SLC24A2: variants seen among roughly 807,000 people sequenced by gnomAD.
SLC24A2 encodes the protein sodium/potassium/calcium exchanger 2.
In SLC24A2, 36 loss-of-function variants were observed where a neutral mutation model predicts 62.0. That is an observed-to-expected ratio of 0.58 (90% CI 0.44 to 0.77). The LOEUF (loss-of-function observed/expected upper bound fraction) is 0.77. Among genes scored for constraint, SLC24A2 ranks in the 30% least tolerant of loss-of-function variants. The pLI is 0.00. For synonymous variants in SLC24A2, 358 were observed against 294.0 expected, an observed-to-expected ratio of 1.22 and a Z score of -2.23; for missense variants, 846 against 817.9, an observed-to-expected ratio of 1.03 and a Z score of -0.42.
the SLC24A2 span, among the ~76,000 whole-genome samples, chr9:19,999,568 A>G: frequency 6.6e-6 from 1 of 152,208 alleles, no homozygotes; most frequent in African/African-American, 2.4e-5. Flanking sequence ...CCTCATGGCA[A>G]TGAGCTACAA....
the SLC24A2 span, among the ~76,000 whole-genome samples, chr9:20,264,480 T>C: frequency 2.5e-4 from 38 of 152,142 alleles, no homozygotes; most frequent in Non-Finnish European, 4.4e-4. Flanking sequence ...CAAGAACTTC[T>C]GAAACAAATC....
chr9:19,909,249 G>A, the SLC24A2 span, among the ~76,000 whole-genome samples: 2 of 151,796 alleles, frequency 1.3e-5, no homozygotes, highest in Non-Finnish European at 2.9e-5. Context: ...ACCAAACGCC[G>A]CATGTTCTCA....
chr9:19,802,540 T>G, the SLC24A2 span, among the ~76,000 whole-genome samples: 1 of 152,136 alleles, frequency 6.6e-6, no homozygotes, highest in African/African-American at 2.4e-5. Context: ...TATTAAAAGG[T>G]AGAAATGTTA....
chr9:19,718,019 C>T lies in SLC24A2; in HGVS notation c.930+67918G>A, dbSNP rs571361001. On this transcript the variant is annotated intron_variant, in intron 2 of 10. Transcript: ENST00000341998. Reference sequence around the variant, plus strand: ...TAAAACGGAGTCTCGCTCTGTCGCCCAGGCTGGAGTGCAGTGGCGCAATCT... The same window carrying T: ...TAAAACGGAGTCTCGCTCTGTCGCCTAGGCTGGAGTGCAGTGGCGCAATCT... Among the ~76,000 whole-genome samples, 748 of 150,878 alleles carry T rather than the reference C, an allele frequency of 5.0e-3. 4 individuals carry two copies. The highest frequency in any genetic ancestry group is 8.7e-3 in the Non-Finnish European group (593 of 67,794).
chr9:19,536,001 T>G (rs1833953603), intron 8 of SLC24A2, among the ~76,000 whole-genome samples: 1 of 151,852 alleles, frequency 6.6e-6, no homozygotes, highest in Non-Finnish European at 1.5e-5. Context: ...TTTATTTGTG[T>G]CCTCTCTTAT....
chr9:19,963,386 A>G, the SLC24A2 span, among the ~76,000 whole-genome samples: 3 of 151,314 alleles, frequency 2.0e-5, no homozygotes, highest in Admixed American at 6.6e-5. Flanking sequence ...ATTAAACTAA[A>G]GAGCTTCTGC....
intron 4 of SLC24A2, among the ~76,000 whole-genome samples, chr9:19,614,215 TC>T (rs1325145974): frequency 1.3e-5 from 2 of 152,222 alleles, no homozygotes; most frequent in Admixed American, 6.5e-5. Flanking sequence ...CAGATAGCCA[TC>T]CTGTGATCTC....
At chr9:19,624,401 A>T (rs1489105665) in intron 2 of SLC24A2, among the ~76,000 whole-genome samples, 1 of 152,170 alleles carries the variant, frequency 6.6e-6, no homozygotes, top group Non-Finnish European at 1.5e-5. Flanking sequence ...TTTGAATTTT[A>T]AAAAATATAT....
At chr9:19,815,932 G>A in the SLC24A2 span, among the ~76,000 whole-genome samples, 31 of 148,354 alleles carry the variant, frequency 2.1e-4, no homozygotes, top group African/African-American at 7.4e-4. Flanking sequence ...GTTGGGACAG[G>A]TGTGATTATC....
the SLC24A2 span, among the ~76,000 whole-genome samples, chr9:19,933,793 A>G: frequency 6.6e-6 from 1 of 152,236 alleles, no homozygotes; most frequent in South Asian, 2.1e-4. Context: ...TCACAATACA[A>G]AGGAATAAAG....
intron 2 of SLC24A2, among the ~76,000 whole-genome samples, chr9:19,682,046 C>G (rs1564034161): frequency 6.6e-6 from 1 of 152,102 alleles, no homozygotes; most frequent in Non-Finnish European, 1.5e-5. Context: ...CTTGATTTTA[C>G]GTTGACATTT....
At chr9:20,120,815 T>C in the SLC24A2 span, among the ~76,000 whole-genome samples, 3 of 152,046 alleles carry the variant, frequency 2.0e-5, no homozygotes, top group Non-Finnish European at 2.9e-5. Flanking sequence ...CAAATTAATG[T>C]TTTGTATGGT....
At position 19,599,704 on chromosome 9, in the gene SLC24A2, C is replaced by T. The variant is rs968516619; in HGVS notation, c.1079-2425G>A. ...GAGGTGCAGAAAGAGAAATGACATG[C>T]GACTAGGACAAAAAGCATGCATGCA... On this transcript the variant is annotated intron_variant, in intron 4 of 10. Coordinates refer to ENST00000341998, the MANE Select transcript of SLC24A2 (RefSeq NM_020344.4). This position sits in a 1 kb window ranked among gnomAD's most constrained non-coding sequence, Gnocchi z 4.5. Among the ~76,000 whole-genome samples, 5 of 152,058 alleles carry T rather than the reference C, an allele frequency of 3.3e-5. No homozygotes were observed. Among genetic ancestry groups the T allele is most frequent in the African/African-American group, 4.8e-5 (2 of 41,370 alleles).
the SLC24A2 span, among the ~76,000 whole-genome samples, chr9:19,863,408 GA>G: frequency 6.6e-6 from 1 of 151,916 alleles, no homozygotes; most frequent in African/African-American, 2.4e-5. Context: ...GTTATTTACA[GA>G]ACATTTTATC....
chr9:20,003,539 T>G, the SLC24A2 span, among the ~76,000 whole-genome samples: 1 of 152,082 alleles, frequency 6.6e-6, no homozygotes, highest in African/African-American at 2.4e-5. Context: ...GAGGTATTAG[T>G]AAGAAGACAA....
At chr9:19,621,802 G>A (rs530036644) in intron 3 of SLC24A2, among the ~76,000 whole-genome samples, 2 of 152,276 alleles carry the variant, frequency 1.3e-5, no homozygotes, top group Non-Finnish European at 2.9e-5. Flanking sequence ...GCATTCTTTT[G>A]TGTATTATAT....
At chr9:19,532,472 G>T (rs913210619) in intron 8 of SLC24A2, among the ~76,000 whole-genome samples, 4 of 152,050 alleles carry the variant, frequency 2.6e-5, no homozygotes, top group African/African-American at 9.7e-5. Context: ...TTGTTAAATT[G>T]TATTGTTTTT....
chr9:19,661,734 T>G (rs1819107482), intron 2 of SLC24A2, among the ~76,000 whole-genome samples: 1 of 152,196 alleles, frequency 6.6e-6, no homozygotes, highest in African/African-American at 2.4e-5. Context: ...AAGGCAGCCC[T>G]TGACAAAAAA....
intron 2 of SLC24A2, among the ~76,000 whole-genome samples, chr9:19,732,861 T>G (rs982577118): frequency 3.9e-5 from 6 of 152,078 alleles, no homozygotes; most frequent in African/African-American, 1.4e-4. Context: ...GTGAAAATAA[T>G]GCAGCCCCAG....
Sources: gnomAD v4.1 joint callset for allele counts (sites outside exome capture counted in the v4.1 genomes callset) on GRCh38, gnomAD v4.1.1 for gene constraint, Gnocchi (gnomAD v3.1) non-coding constraint, MANE v1.5 for transcripts, NCBI Gene and HGNC (gene_info 2026-07-23, HGNC 2026-07-21) for gene names.